Variants in KPTN observed in about 807,000 individuals in gnomAD.
The protein encoded by KPTN is KICSTOR complex protein kaptin.
A neutral mutation model predicts 52.6 loss-of-function variants in KPTN; 36 were observed. That is an observed-to-expected ratio of 0.68 (90% CI 0.52 to 0.90). The LOEUF is 0.90. Ranked by LOEUF, KPTN falls within the 40% of genes least tolerant of loss-of-function variation. The probability of loss-of-function intolerance (pLI) is 0.00; values close to 1 mark genes in which losing one functional copy is unlikely to be tolerated. For missense variants in KPTN, 529 were observed against 576.2 expected (o/e 0.92, Z 0.84); for synonymous variants, 271 against 248.4 (o/e 1.09, Z -0.85).
chr19:47,484,849 GCCA>G (rs1192024591), upstream of KPTN, among the ~76,000 whole-genome samples: 1 of 151,666 alleles, frequency 6.6e-6, no homozygotes, highest in Non-Finnish European at 1.5e-5. Context: ...GATTACAGGC[GCCA>G]CCACACCTGG....
At chr19:47,480,702 C>G in intron 6 of KPTN, 58 bp downstream of exon 6, 1 of 1,518,042 alleles carries the variant, frequency 6.6e-7, no homozygotes, top group Non-Finnish European at 9.1e-7. Context: ...TCTCACCGCC[C>G]GATTTCTCTG....
At position 47,483,984 on chromosome 19, in the gene KPTN, T is replaced by C. The variant is rs763064529; in HGVS notation, c.177A>G (p.Arg59=). ...KVLGFRYQDL[R]QKIRPVAKEL... is the part of the protein sequence containing the mutation. Reference sequence around the variant, plus strand: ...CCTTGGCCACTGGCCGGATTTTCTGTCGGAGGTCTTGGTAGCGGAAGCCGA... The same window carrying C: ...CCTTGGCCACTGGCCGGATTTTCTGCCGGAGGTCTTGGTAGCGGAAGCCGA... The change falls in exon 1 of 12, where the codon CGA becomes CGG. Residue 59 remains arginine, a synonymous_variant. Transcript: ENST00000338134. 5 of 1,613,398 alleles carry C rather than the reference T, an allele frequency of 3.1e-6. No individual in the cohort carries two copies. The highest frequency in any genetic ancestry group is 4.2e-6 in the Non-Finnish European group (5 of 1,179,962).
rs756371124 is a variant in KPTN at position 47,475,529 on chromosome 19, C to G, written c.1198G>C (p.Ala400Pro). ...AGCCGGGTCAAGACCAGCTCTGAGG[C>G]CTGAATCAGGCTGTGCTGTGGGGAA... Reference protein sequence around the residue: ...VHILQHSLIQASELVLTRLRH... With the variant: ...VHILQHSLIQPSELVLTRLRH... The change falls in exon 12 of 12, where the codon GCC (alanine) becomes CCC (proline). Residue 400 changes from alanine to proline, a missense_variant. Coordinates refer to ENST00000338134, the MANE Select transcript of KPTN (RefSeq NM_007059.4). 4 of 1,612,950 alleles carry G rather than the reference C, an allele frequency of 2.5e-6. No individual in the cohort carries two copies. The East Asian group carries it at 8.9e-5, about 36-fold the overall frequency.
Position 47,483,570 on chromosome 19 carries a change from C to T in KPTN, c.241G>A (p.Val81Ile). Reference protein sequence around the residue: ...FNYIPVDAEIVSIDTFNKSPP... With the variant: ...FNYIPVDAEIISIDTFNKSPP... ...GACTTGTTGAAAGTGTCGATGGAGA[C>T]AATCTCCGCATCCACTGGGAGGGGA... The change falls in exon 2 of 12, where the codon GTC becomes ATC. Residue 81 changes from valine to isoleucine, a missense_variant. By Grantham distance (29) the Val-to-Ile change is conservative (BLOSUM62 3). Coordinates refer to ENST00000338134, the MANE Select transcript of KPTN (RefSeq NM_007059.4). 2 of 1,560,792 alleles carry T rather than the reference C, an allele frequency of 1.3e-6. No individual in the cohort carries two copies. The highest frequency in any genetic ancestry group is 1.7e-6 in the Non-Finnish European group (2 of 1,151,728).
In KPTN at chr19:47,476,525, G is replaced by C. The variant is rs1184437388; in HGVS notation, c.1182+7C>G. 1.3e-5 allele frequency: 20 copies of C among 1,590,562 alleles called. No individual in the cohort carries two copies. Among genetic ancestry groups the C allele is most frequent in the Non-Finnish European group, 1.7e-5 (20 of 1,165,716 alleles). On this transcript the variant is annotated splice_region_variant and intron_variant, in intron 11 of 11. Transcript: ENST00000338134. Reference sequence around the variant, plus strand: ...GACTCCCCTCCCACCCCAAGAGCTGGGGATACCTGCAGGATGTGCACGCCC... The same window carrying C: ...GACTCCCCTCCCACCCCAAGAGCTGCGGATACCTGCAGGATGTGCACGCCC...
At chr19:47,478,567 T>TAGAAAAAAAAAAAAAAA (rs1967756295) in intron 8 of KPTN, among the ~76,000 whole-genome samples, 1 of 66,234 alleles carries the variant, frequency 1.5e-5, no homozygotes, top group African/African-American at 4.9e-5. Flanking sequence ...AGACTCTGTC[T>TAGAAAAAAAAAAAAAAA]AAAAAAAAAA....
chr19:47,475,875 C>T (rs2122671705), intron 11 of KPTN, among the ~76,000 whole-genome samples: 1 of 152,016 alleles, frequency 6.6e-6, no homozygotes, highest in South Asian at 2.1e-4. Flanking sequence ...GCAGGACAAT[C>T]ACTTGAACCT....
chr19:47,476,247 T>C (rs1365978249), intron 11 of KPTN: 2 of 222,298 alleles, frequency 9.0e-6, no homozygotes, highest in Non-Finnish European at 1.7e-5. Context: ...AGGTGGAGGT[T>C]GCAGTGAGCT....
rs776222830 is a variant in KPTN at position 47,476,481 on chromosome 19, G to A, written c.1182+51C>T. Reference sequence around the variant, plus strand: ...CCCCAGGAGGAGGCCTGCACCCCCTGCTCGAAACTGCTGAGGTCGACTCCC... The same window carrying A: ...CCCCAGGAGGAGGCCTGCACCCCCTACTCGAAACTGCTGAGGTCGACTCCC... On this transcript the variant is annotated intron_variant, in intron 11 of 11. Coordinates refer to ENST00000338134, the MANE Select transcript of KPTN (RefSeq NM_007059.4). 3.3e-6 allele frequency: 5 copies of A among 1,502,572 alleles called. 1 individual carries two copies. In the South Asian group the frequency reaches 4.9e-5, roughly 15 times the overall value. 93.1% of individuals were successfully genotyped at this position (1,502,572 alleles called of 1,614,324 possible).
rs372723268 is a variant in KPTN, at chr19:47,480,985, G to A, written c.498C>T (p.Asn166=). The change falls in exon 5 of 12, where the codon AAC becomes AAT. Residue 166 remains asparagine (N), a synonymous_variant. Coordinates refer to ENST00000338134, the MANE Select transcript of KPTN (RefSeq NM_007059.4). ...QLETVFLLSG[N]DPAIHLYKEN... Reference sequence around the variant, plus strand: ...CCTTGTAGAGATGAATGGCCGGGTCGTTCCCACTCAAGAGAAACACAGTCT... The same window carrying A: ...CCTTGTAGAGATGAATGGCCGGGTCATTCCCACTCAAGAGAAACACAGTCT... The A allele has an allele frequency of 8.1e-6, 13 of 1,599,852 alleles. No homozygotes were observed. The highest frequency in any genetic ancestry group is 3.5e-5 in the Admixed American group (2 of 57,326).
chr19:47,480,075 G>C (rs1967817025), intron 7 of KPTN, 135 bp from the exon 8 acceptor site: 1 of 320,612 alleles, frequency 3.1e-6, no homozygotes, highest in African/African-American at 4.5e-5. Flanking sequence ...CCCCACCCTA[G>C]CCCCGCCCCC....
upstream of KPTN, among the ~76,000 whole-genome samples, chr19:47,485,692 C>T (rs968463806): frequency 2.0e-5 from 3 of 152,164 alleles, no homozygotes; most frequent in African/African-American, 2.4e-5. Flanking sequence ...ACAGCTCTTA[C>T]ATGATGGAAA....
Position 47,483,523 on chromosome 19 carries a change from A to T in KPTN, c.288T>A (p.Val96=). The change falls in exon 2 of 12, where the codon GTT becomes GTA. Residue 96 remains valine (V), a synonymous_variant. Transcript: ENST00000338134. The part of the protein sequence containing the change: ...FNKSPPKRGL[V]VGITFIKDSG... ...GTACCTTGATGAACGTGATCCCCAC[A>T]ACCAGACCCCGCTTGGGGGGTGACT... 1 of 1,588,668 alleles carries T rather than the reference A, an allele frequency of 6.3e-7. No individual in the cohort carries two copies. Among genetic ancestry groups the T allele is most frequent in the Non-Finnish European group, 8.6e-7 (1 of 1,167,082 alleles).
In KPTN at chr19:47,481,113, C is replaced by G. The variant is rs928227993; in HGVS notation, c.450-80G>C. 3.4e-6 allele frequency: 4 copies of G among 1,172,492 alleles called. No individual in the cohort carries two copies. The African/African-American group carries it at 6.1e-5, about 18-fold the overall frequency. 72.6% of individuals were successfully genotyped at this position (1,172,492 alleles called of 1,614,324 possible). ...CCAGAACTCTCCTCTTGCAAAAACC[C>G]CTGCCTGTTGAGAACCTTAACATTC... is the stretch of plus-strand genomic sequence containing the variant. On this transcript the variant is annotated intron_variant, in intron 4 of 11. Coordinates refer to ENST00000338134, the MANE Select transcript of KPTN (RefSeq NM_007059.4).
At chr19:47,476,383 T>G in intron 11 of KPTN, 149 bp downstream of exon 11, 1 of 357,226 alleles carries the variant, frequency 2.8e-6, no homozygotes, top group Non-Finnish European at 4.5e-6. Context: ...CTGTGAGCGC[T>G]CACAGCTGCC....
chr19:47,480,021 C>T (rs566225052), intron 7 of KPTN, 81 bp from the exon 8 acceptor site: 7 of 1,179,028 alleles, frequency 5.9e-6, no homozygotes, highest in Admixed American at 4.0e-5. Flanking sequence ...TTTCCGCCCC[C>T]ACCGTTCATC....
intron 4 of KPTN, among the ~76,000 whole-genome samples, chr19:47,481,317 C>T (rs1362856121): frequency 1.3e-5 from 2 of 152,168 alleles, no homozygotes; most frequent in Non-Finnish European, 2.9e-5. Flanking sequence ...GCTCTTAGAG[C>T]CCGCATCTAC....
Position 47,480,725 on chromosome 19 carries a change from C to G in KPTN, c.599+35G>C, listed in dbSNP as rs552509236. On this transcript the variant is annotated intron_variant, in intron 6 of 11. Coordinates refer to ENST00000338134, the MANE Select transcript of KPTN (RefSeq NM_007059.4). ...CCCGATTTCTCTGATGTCAGTGCCC[C>G]GGTCCCCAGTGGCCTCTTTCGGGGC... 5.6e-6 allele frequency: 9 copies of G among 1,593,894 alleles called. No individual in the cohort carries two copies. The African/African-American group carries it at 6.7e-5, about 12-fold the overall frequency.
Position 47,476,375 on chromosome 19 carries a change from G to A in KPTN, c.1182+157C>T, listed in dbSNP as rs1263016782. Among the ~76,000 whole-genome samples the A allele has an allele frequency of 2.6e-5, 2 of 75,572 alleles. 1 individual carries two copies. The highest frequency in any genetic ancestry group is 5.6e-5 in the Non-Finnish European group (2 of 35,766). The allele number at this position is 75,572 out of a possible 152,430, so 49.6% of individuals were successfully genotyped here. A position where few individuals can be genotyped will look rare whatever the true frequency, so the allele number is the denominator to read the frequency against. ...GGCCGGTGCCCCCACCCCAGCTGCT[G>A]TGAGCGCTCACAGCTGCCCCTTTCT... is the stretch of plus-strand genomic sequence containing the variant. On this transcript the variant is annotated intron_variant, in intron 11 of 11. Coordinates refer to ENST00000338134, the MANE Select transcript of KPTN (RefSeq NM_007059.4).
Sources: gnomAD v4.1 joint callset for allele counts (sites outside exome capture counted in the v4.1 genomes callset) on GRCh38, gnomAD v4.1.1 for gene constraint, MANE v1.5 for transcripts, NCBI Gene and HGNC (gene_info 2026-07-23, HGNC 2026-07-21) for gene names.